The following C15orf39 variants were observed in gnomAD, a reference collection of about 807,000 sequenced individuals.
C15orf39 encodes the protein uncharacterized protein C15orf39.
C15orf39 carries 24 observed loss-of-function variants against 53.9 expected under a neutral mutation model. That is an observed-to-expected ratio of 0.45 (90% confidence interval 0.32 to 0.63). The LOEUF is 0.63. Ranked by LOEUF, C15orf39 falls within the 20% of genes least tolerant of loss-of-function variation. The probability of loss-of-function intolerance (pLI) is 0.04; values close to 1 mark genes in which losing one functional copy is unlikely to be tolerated. For missense variants in C15orf39, 1,271 were observed against 1,347.9 expected, an observed-to-expected ratio of 0.94 and a Z score of 0.89; for synonymous variants, 569 against 576.5, an observed-to-expected ratio of 0.99 and a Z score of 0.19.
Position 75,206,450 on chromosome 15 carries a change from C to T in C15orf39, c.402C>T (p.Tyr134=), listed in dbSNP as rs777786570. ...CACTGGCAGCACCCAAACCTGTCTACCGCAACCCTCTGTGCTATGGGCTCT... is the reference window on the plus strand; with the variant it reads ...CACTGGCAGCACCCAAACCTGTCTATCGCAACCCTCTGTGCTATGGGCTCT... The part of the protein sequence containing the change: ...GPPLAAPKPV[Y]RNPLCYGLST... Residue 134 remains tyrosine (Y), a synonymous_variant, in exon 2 of 3, where the codon TAC becomes TAT. Transcript: ENST00000394987. The T allele has an allele frequency of 6.2e-7, 1 of 1,614,072 alleles. No individual in the cohort carries two copies. The highest frequency in any genetic ancestry group is 1.1e-5 in the South Asian group (1 of 91,072).
rs2070442068 is a variant in C15orf39 at position 75,206,802 on chromosome 15, C to A, written c.754C>A (p.Gln252Lys). ...TGAGGGGCCCTCAAGTCCTTGGACC[C>A]AGCTGGCCCAGCCCCTGGGGCCACC... ...MSEGPSSPWT[Q>K]LAQPLGPPCQ... Residue 252 changes from glutamine to lysine, a missense_variant, in exon 2 of 3, where the codon CAG becomes AAG. This residue lies in a region of C15orf39 where 994 missense variants were observed against 993.7 expected (regional missense o/e 1.00). Transcript: ENST00000394987. 3.1e-6 allele frequency: 5 copies of A among 1,607,650 alleles called. No homozygotes were observed. The East Asian group carries it at 1.1e-4, about 36-fold the overall frequency.
At chr15:75,209,771 ACTGTTC>A (rs1056660560) in intron 2 of C15orf39, among the ~76,000 whole-genome samples, 20 of 151,890 alleles carry the variant, frequency 1.3e-4, no homozygotes, top group Non-Finnish European at 2.5e-4. Flanking sequence ...CCCTGTAGAA[ACTGTTC>A]CTAGTTCCAT....
chr15:75,208,710 G>C lies in C15orf39; in HGVS notation c.2662G>C (p.Ala888Pro), dbSNP rs969404764. ...LSEERALREL[A>P]LPGCTSRMLK... is the part of the protein sequence containing the mutation. ...GGAGGAGCGGGCACTGCGGGAGCTC[G>C]CCCTGCCAGGCTGCACCTCACGCAT... The change falls in exon 2 of 3, where the codon GCC becomes CCC. Residue 888 changes from alanine to proline, a missense_variant. Ala to Pro is a conservative substitution (Grantham distance 27, BLOSUM62 -1). Around this residue, in one of 2 missense-constraint regions of C15orf39, gnomAD observed 277 missense variants for 354.1 expected, o/e 0.78. Transcript: ENST00000394987. 1 of 1,606,912 alleles carries C rather than the reference G, an allele frequency of 6.2e-7. No individual in the cohort carries two copies.
chr15:75,202,513 A>G (rs980843272), intron 1 of C15orf39: 2 of 152,222 alleles, frequency 1.3e-5, no homozygotes, highest in South Asian at 2.1e-4. Flanking sequence ...CCCTGCTGGG[A>G]TGGGACGGCC....
chr15:75,202,392 C>G (rs138257917), intron 1 of C15orf39: 7,050 of 152,494 alleles, frequency 0.046, 231 homozygotes, highest in South Asian at 0.14. Context: ...AGGACCCTGT[C>G]ACGTGGATTG....
chr15:75,208,227 C>T lies in C15orf39; in HGVS notation c.2179C>T (p.Pro727Ser). Residue 727 changes from proline to serine, a missense_variant, in exon 2 of 3, where the codon CCT becomes TCT. This residue lies in a region of C15orf39 where 994 missense variants were observed against 993.7 expected (regional missense o/e 1.00). Transcript: ENST00000394987. ...ASPAPAPAPS[P>S]APARAQAPAS... is the part of the protein sequence containing the mutation. ...CCCTGCCCCTGCTCCAGCTCCATCC[C>T]CTGCTCCGGCTCGAGCTCAGGCTCC... 4 of 1,612,510 alleles carry T rather than the reference C, an allele frequency of 2.5e-6. No homozygotes were observed. Among genetic ancestry groups the T allele is most frequent in the Non-Finnish European group, 3.4e-6 (4 of 1,179,372 alleles).
intron 2 of C15orf39, among the ~76,000 whole-genome samples, 192 bp from the exon 3 acceptor site, chr15:75,210,557 G>T (rs2070475888): frequency 6.6e-6 from 1 of 152,214 alleles, no homozygotes; most frequent in African/African-American, 2.4e-5. Context: ...ATCAGATAGA[G>T]TTCTGGTGTC....
upstream of C15orf39, chr15:75,201,740 C>T (rs2070402292): frequency 6.6e-6 from 1 of 152,122 alleles, no homozygotes; most frequent in African/African-American, 2.4e-5. This position sits in a 1 kb window ranked among gnomAD's most constrained non-coding sequence, Gnocchi z 4.7. Flanking sequence ...GCAGCCCGCT[C>T]CTAGCGAGCT....
At position 75,207,017 on chromosome 15, in the gene C15orf39, C is replaced by T. The variant is rs1262733734; in HGVS notation, c.969C>T (p.Pro323=). 1 of 1,605,118 alleles carries T rather than the reference C, an allele frequency of 6.2e-7. No individual in the cohort carries two copies. The highest frequency in any genetic ancestry group is 1.3e-5 in the African/African-American group (1 of 74,778). The change falls in exon 2 of 3, where the codon CCC becomes CCT. Residue 323 remains proline (P), a synonymous_variant. Transcript: ENST00000394987. The part of the protein sequence containing the change: ...TGYQAGGLGS[P]YLRQQAAQAP... ...ACCAGGCTGGTGGGCTGGGCAGCCC[C>T]TACCTGAGGCAGCAGGCAGCCCAGG... is the stretch of plus-strand genomic sequence containing the variant.
chr15:75,200,166 C>A (rs930637690), upstream of C15orf39, among the ~76,000 whole-genome samples: 3 of 152,208 alleles, frequency 2.0e-5, no homozygotes, highest in African/African-American at 7.2e-5. Flanking sequence ...CAAAGTAGCT[C>A]CCAAGTCCCC....
Position 75,206,724 on chromosome 15 carries a change from C to G in C15orf39, c.676C>G (p.Leu226Val), listed in dbSNP as rs1228931375. Residue 226 changes from leucine to valine, a missense_variant, in exon 2 of 3, where the codon CTG becomes GTG. Physicochemically the swap from Leu to Val is conservative, Grantham distance 32. Transcript: ENST00000394987. ...KYQTIHSTGFLASRYTGPYPR... is the reference protein window; with the variant it reads ...KYQTIHSTGFVASRYTGPYPR... ...TCAGACCATCCACAGCACGGGCTTC[C>G]TGGCCTCCAGGTACACAGGTCCTTA... is the stretch of plus-strand genomic sequence containing the variant. 1 of 1,613,640 alleles carries G rather than the reference C, an allele frequency of 6.2e-7. No homozygotes were observed. Among genetic ancestry groups the G allele is most frequent in the Non-Finnish European group, 8.5e-7 (1 of 1,179,928 alleles).
At position 75,207,659 on chromosome 15, in the gene C15orf39, C is replaced by A. The variant is rs776196595; in HGVS notation, c.1611C>A (p.Ala537=). ...CTGCCACAGCTGAGCCTGACTCAGC[C>A]CCAGCCACCAGTGAAGGTCAGGACA... is the stretch of plus-strand genomic sequence containing the variant. The part of the protein sequence containing the change: ...PDSATAEPDS[A]PATSEGQDKG... Residue 537 remains alanine, a synonymous_variant, in exon 2 of 3, where the codon GCC becomes GCA. Coordinates refer to ENST00000394987, the MANE Select transcript of C15orf39 (RefSeq NM_015492.5). 6.2e-7 allele frequency: 1 copy of A among 1,611,682 alleles called. No individual in the cohort carries two copies. The highest frequency in any genetic ancestry group is 8.5e-7 in the Non-Finnish European group (1 of 1,178,868).
At chr15:75,200,319 C>A (rs552929089), upstream of C15orf39, among the ~76,000 whole-genome samples, 1 of 152,296 alleles carries the variant, frequency 6.6e-6, no homozygotes, top group South Asian at 2.1e-4. Context: ...TCTTAACTAG[C>A]CCCTATTGTC....
rs369812290 is a variant in C15orf39, at chr15:75,207,094, C to T, written c.1046C>T (p.Pro349Leu). 2.3e-5 allele frequency: 37 copies of T among 1,613,144 alleles called. No homozygotes were observed. Among genetic ancestry groups the T allele is most frequent in the Non-Finnish European group, 3.1e-5 (37 of 1,179,870 alleles). ...GACGCTTACCCCTACCCCTCTGCCC[C>T]TCTCCCAGCACCCTCTCCAGGCCTC... The part of the protein sequence containing the change: ...GLDAYPYPSA[P>L]LPAPSPGLKL... The change falls in exon 2 of 3, where the codon CCT becomes CTT. Residue 349 changes from proline to leucine, a missense_variant. By Grantham distance (98) the Pro-to-Leu change is moderately conservative. Transcript: ENST00000394987.
intron 1 of C15orf39, among the ~76,000 whole-genome samples, chr15:75,203,106 C>T (rs1366998815): frequency 6.6e-6 from 1 of 152,254 alleles, no homozygotes; most frequent in African/African-American, 2.4e-5. Flanking sequence ...AGGCCCGATC[C>T]AGCCCTCCGG....
Position 75,208,567 on chromosome 15 carries a change from G to T in C15orf39, c.2519G>T (p.Gly840Val). ...CCCTTCCCCCATGTGGTGCGAGCTGGCGCCATCTTCGTGCCCATTCACCTG... is the reference window on the plus strand; with the variant it reads ...CCCTTCCCCCATGTGGTGCGAGCTGTCGCCATCTTCGTGCCCATTCACCTG... ...RCPFPHVVRA[G>V]AIFVPIHLVK... is the part of the protein sequence containing the mutation. The change falls in exon 2 of 3, where the codon GGC (glycine) becomes GTC (valine). Residue 840 changes from glycine to valine, a missense_variant. By Grantham distance (109) the Gly-to-Val change is moderately radical. Transcript: ENST00000394987. The T allele has an allele frequency of 6.4e-7, 1 of 1,573,828 alleles. No individual in the cohort carries two copies.
chr15:75,203,192 G>GC (rs2141595216), intron 1 of C15orf39, among the ~76,000 whole-genome samples: 1 of 152,376 alleles, frequency 6.6e-6, no homozygotes, highest in African/African-American at 2.4e-5. Flanking sequence ...CCATCCCGAG[G>GC]CCCCTAGAAG....
At chr15:75,202,153 C>T (rs1438471775) in intron 1 of C15orf39, 94 bp downstream of exon 1, 1 of 152,016 alleles carries the variant, frequency 6.6e-6, no homozygotes, top group East Asian at 1.9e-4. Flanking sequence ...CCAGGGCGCC[C>T]CTACCGGCCG....
At position 75,206,685 on chromosome 15, in the gene C15orf39, T is replaced by G; in HGVS notation, c.637T>G (p.Phe213Val). The change falls in exon 2 of 3, where the codon TTC becomes GTC. Residue 213 changes from phenylalanine (F) to valine (V), a missense_variant. This residue lies in a region of C15orf39 where 994 missense variants were observed against 993.7 expected (regional missense o/e 1.00). Transcript: ENST00000394987. ...SSGSFSPCQP[F>V]LEKYQTIHST... ...AGGGAGCTTCTCCCCATGCCAGCCCTTCCTGGAGAAATATCAGACCATCCA... is the reference window on the plus strand; with the variant it reads ...AGGGAGCTTCTCCCCATGCCAGCCCGTCCTGGAGAAATATCAGACCATCCA... 1 of 1,613,728 alleles carries G rather than the reference T, an allele frequency of 6.2e-7. No homozygotes were observed. Among genetic ancestry groups the G allele is most frequent in the Non-Finnish European group, 8.5e-7 (1 of 1,179,958 alleles).
Sources: allele counts gnomAD v4.1 joint callset (sites outside exome capture counted in the v4.1 genomes callset), GRCh38; gene constraint gnomAD v4.1.1; regional missense constraint gnomAD v4.1.1; non-coding constraint Gnocchi (gnomAD v3.1); transcripts MANE v1.5; gene names NCBI Gene and HGNC (gene_info 2026-07-23, HGNC 2026-07-21).